Variants in SREBF1 observed in about 807,000 individuals in gnomAD.
SREBF1 encodes sterol regulatory element-binding protein 1.
A neutral mutation model predicts 100.1 loss-of-function variants in SREBF1; 45 were observed. The ratio of observed to expected loss-of-function variants is 0.45; its 90% CI spans 0.35 to 0.58. SREBF1 has a LOEUF of 0.58. SREBF1 is among the 20% of genes least tolerant of loss of function. SREBF1 has a pLI of 0.00. For missense variants in SREBF1, 1,324 were observed against 1,539.4 expected, an observed-to-expected ratio of 0.86 and a Z score of 2.34; for synonymous variants, 657 against 681.8, an observed-to-expected ratio of 0.96 and a Z score of 0.57.
Position 17,813,668 on chromosome 17 carries a change from G to A in SREBF1, c.3003C>T (p.Ser1001=). Residue 1001 remains serine (S), a synonymous_variant, in exon 17 of 19, where the codon AGC becomes AGT. Transcript: ENST00000261646. ...CAAGGGCGGAAGCCTGGGGCCTGCTGCTGGTGCCCTGGGCTGCTGGGGCCG... is the reference window on the plus strand; with the variant it reads ...CAAGGGCGGAAGCCTGGGGCCTGCTACTGGTGCCCTGGGCTGCTGGGGCCG... The part of the protein sequence containing the change: ...PAPAPAAQGT[S]SRPQASALEL... The A allele has an allele frequency of 6.4e-7, 1 of 1,552,922 alleles. No homozygotes were observed. The highest frequency in any genetic ancestry group is 1.2e-5 in the South Asian group (1 of 85,494).
rs763134830 is a variant in SREBF1 at position 17,815,353 on chromosome 17, G to A, written c.2384-24C>T. 5.6e-6 allele frequency: 9 copies of A among 1,596,978 alleles called. No homozygotes were observed. In the South Asian group the frequency reaches 9.9e-5, roughly 18 times the overall value. On this transcript the variant is annotated intron_variant, in intron 12 of 18. Transcript: ENST00000261646. The stretch of plus-strand genomic sequence containing the variant: ...CACTGTGGAGAGGAGGAGGTGAGTG[G>A]GGTGGGGAGCAGGGCCCCACCCTCC...
chr17:17,817,926 G>A lies in SREBF1; in HGVS notation c.1184-10C>T, dbSNP rs1340509890. 1.4e-5 allele frequency: 22 copies of A among 1,599,460 alleles called. No individual in the cohort carries two copies. The highest frequency in any genetic ancestry group is 1.2e-4 in the South Asian group (11 of 91,068). On this transcript the variant is annotated splice_polypyrimidine_tract_variant and intron_variant, in intron 6 of 18. Transcript: ENST00000261646. This position sits in a 1 kb window ranked among gnomAD's most constrained non-coding sequence, Gnocchi z 6.6. Reference sequence around the variant, plus strand: ...AGATCCTTCAGAGATTCTGTGGGCCGAAAGGAACAGAGCCAGGAGTAAAGG... The same window carrying A: ...AGATCCTTCAGAGATTCTGTGGGCCAAAAGGAACAGAGCCAGGAGTAAAGG...
intron 1 of SREBF1, among the ~76,000 whole-genome samples, chr17:17,828,169 C>T (rs574317391): frequency 6.6e-6 from 1 of 152,374 alleles, no homozygotes; most frequent in Admixed American, 6.5e-5. Context: ...TAACTGGTGT[C>T]TCCCTGGGCC....
chr17:17,816,466 G>T lies in SREBF1; in HGVS notation c.2038C>A (p.His680Asn), dbSNP rs774798173. ...CCACGCTCAGTCCTACCCATGGTGTGCAGCTGGTGCAGCTTATGGTAGACC... is the reference window on the plus strand; with the variant it reads ...CCACGCTCAGTCCTACCCATGGTGTTCAGCTGGTGCAGCTTATGGTAGACC... ...ALVYHKLHQL[H>N]TMGKHTGGHL... The change falls in exon 10 of 19, where the codon CAC becomes AAC. Residue 680 changes from histidine (H) to asparagine (N), a missense_variant. Transcript: ENST00000261646. 1 of 1,605,782 alleles carries T rather than the reference G, an allele frequency of 6.2e-7. No individual in the cohort carries two copies. The highest frequency in any genetic ancestry group is 1.1e-5 in the South Asian group (1 of 89,806).
chr17:17,835,032 C>T (rs748446136), intron 1 of SREBF1, among the ~76,000 whole-genome samples: 1 of 152,102 alleles, frequency 6.6e-6, no homozygotes, highest in African/African-American at 2.4e-5. Context: ...TGGCCCAGAA[C>T]GGGTTCTGTT....
At chr17:17,821,337 T>C (rs1006031819) in intron 1 of SREBF1, among the ~76,000 whole-genome samples, 1 of 152,068 alleles carries the variant, frequency 6.6e-6, no homozygotes, top group African/African-American at 2.4e-5. Context: ...CTGGCTCCAC[T>C]TGGGGCCTGT....
rs116660665 is a variant in SREBF1 at position 17,816,293 on chromosome 17, C to T, written c.2128G>A (p.Val710Met). 59 of 1,536,716 alleles carry T rather than the reference C, an allele frequency of 3.8e-5. No individual in the cohort carries two copies. The East Asian group carries it at 5.5e-4, about 14-fold the overall frequency. ...LNLAECAGDA[V>M]SVATLAEIYV... ...ATCTCGGCCAGCGTCGCCACAGACACGGCATCCCCTGCACACTCTGCCAGG... is the reference window on the plus strand; with the variant it reads ...ATCTCGGCCAGCGTCGCCACAGACATGGCATCCCCTGCACACTCTGCCAGG... Residue 710 changes from valine (V) to methionine (M), a missense_variant, in exon 11 of 19, where the codon GTG (valine) becomes ATG (methionine). Transcript: ENST00000261646.
intron 1 of SREBF1, among the ~76,000 whole-genome samples, chr17:17,830,678 C>T (rs180926312): frequency 7.4e-4 from 113 of 152,256 alleles, no homozygotes; most frequent in African/African-American, 2.7e-3. Context: ...CAAATTCCCC[C>T]TAGGGGGATG....
Position 17,817,986 on chromosome 17 carries a change from T to A in SREBF1, c.1184-70A>T. The A allele has an allele frequency of 1.4e-6, 2 of 1,478,644 alleles. No individual in the cohort carries two copies. The highest frequency in any genetic ancestry group is 1.9e-6 in the Non-Finnish European group (2 of 1,070,382). 91.6% of individuals were successfully genotyped at this position (1,478,644 alleles called of 1,614,324 possible). ...TGACCCCAAATCAGAGCCTAGGCCC[T>A]TGGAGGCCTAGGGACTACTGTAGCT... is the stretch of plus-strand genomic sequence containing the variant. On this transcript the variant is annotated intron_variant, in intron 6 of 18. Transcript: ENST00000261646. This position sits in a 1 kb window ranked among gnomAD's most constrained non-coding sequence, Gnocchi z 6.6.
chr17:17,835,178 C>T (rs911602196), intron 1 of SREBF1, among the ~76,000 whole-genome samples: 3 of 152,146 alleles, frequency 2.0e-5, no homozygotes, highest in Non-Finnish European at 2.9e-5. Context: ...CCCCAAAGCG[C>T]ATGTCCTCCT....
chr17:17,812,118 C>CAATCT lies in SREBF1; in HGVS notation c.*499_*503dup, dbSNP rs2032931804. ...TTTTAATTCTCTGTACAAAACTTCT[C>CAATCT]AATCTATGAAAATAAAGTTTGCAAA... On this transcript the variant is annotated 3_prime_UTR_variant, in exon 19 of 19. Coordinates refer to ENST00000261646, the MANE Select transcript of SREBF1 (RefSeq NM_004176.5). 7.1e-6 allele frequency: 3 copies of CAATCT among 424,266 alleles called. No homozygotes were observed. The highest frequency in any genetic ancestry group is 3.4e-5 in the South Asian group (2 of 58,170). The allele number at this position is 424,266 out of a possible 1,614,324, so 26.3% of individuals were successfully genotyped here.
At chr17:17,820,821 C>T (rs2034043730) in intron 1 of SREBF1, 5 of 468,140 alleles carry the variant, frequency 1.1e-5, no homozygotes, top group Admixed American at 3.4e-5. Flanking sequence ...TGGGGCTGAG[C>T]CCAGGGTCGG....
In SREBF1 at chr17:17,836,738, G is replaced by A. The variant is rs766652407; in HGVS notation, c.80C>T (p.Thr27Ile). 5.1e-6 allele frequency: 8 copies of A among 1,571,670 alleles called. No individual in the cohort carries two copies. In the East Asian group the frequency reaches 1.8e-4, roughly 36 times the overall value. ...CCGCCCTGACGCACCTTCGATGTCGGTCAGCAGCGCCGCGTCCAGATCGCA... is the reference window on the plus strand; with the variant it reads ...CCGCCCTGACGCACCTTCGATGTCGATCAGCAGCGCCGCGTCCAGATCGCA... ...EPCDLDAALL[T>I]DIEDMLQLIN... The change falls in exon 1 of 19, where the codon ACC becomes ATC. Residue 27 changes from threonine to isoleucine, a missense_variant. Coordinates refer to ENST00000261646, the MANE Select transcript of SREBF1 (RefSeq NM_004176.5).
In SREBF1 at chr17:17,811,999, C is replaced by T. The variant is rs2032915056; in HGVS notation, c.*623G>A. 2.3e-6 allele frequency: 1 copy of T among 440,500 alleles called. No individual in the cohort carries two copies. The highest frequency in any genetic ancestry group is 2.6e-5 in the Admixed American group (1 of 37,784). 27.3% of individuals were successfully genotyped at this position (440,500 alleles called of 1,614,324 possible). ...TTGTGGCCGGAGGGGGAGGGGAAGC[C>T]TTTCCCTAGGTGCTGGGGGAGGGCC... is the stretch of plus-strand genomic sequence containing the variant. On this transcript the variant is annotated 3_prime_UTR_variant, in exon 19 of 19. Transcript: ENST00000261646.
chr17:17,820,175 T>C lies in SREBF1; in HGVS notation c.438A>G (p.Pro146=), dbSNP rs757230938. 2.5e-6 allele frequency: 4 copies of C among 1,613,218 alleles called. No individual in the cohort carries two copies. In the South Asian group the frequency reaches 4.4e-5, roughly 18 times the overall value. Residue 146 remains proline (P), a synonymous_variant, in exon 2 of 19, where the codon CCA becomes CCG. Transcript: ENST00000261646. ...GTGGGGCTGGGGCTGGGAAGCTCTG[T>C]GGCAGGAGGGCCCCTGGCAGGGGCT... ...TPQPLPGALL[P]QSFPAPAPPQ... is the part of the protein sequence containing the mutation.
Position 17,812,231 on chromosome 17 carries a change from A to G in SREBF1, c.*391T>C. 2.5e-6 allele frequency: 1 copy of G among 401,826 alleles called. No individual in the cohort carries two copies. The highest frequency in any genetic ancestry group is 4.6e-6 in the Non-Finnish European group (1 of 219,318). The allele number at this position is 401,826 out of a possible 1,614,324, so 24.9% of individuals were successfully genotyped here. On this transcript the variant is annotated 3_prime_UTR_variant, in exon 19 of 19. Transcript: ENST00000261646. ...CGTCTCTCTCCCACGACGGAGAGAG[A>G]GGCCTCTGGGGCAGAGCCCTGCTTG...
In SREBF1 at chr17:17,811,695, G is replaced by A; in HGVS notation, c.*927C>T. ...GGCCGGGATGGGGGAGGTGAGACGT[G>A]CCAGACTTCTTGCAGGGAGACCCAA... On this transcript the variant is annotated 3_prime_UTR_variant, in exon 19 of 19. Transcript: ENST00000261646. 2.2e-6 allele frequency: 1 copy of A among 454,730 alleles called. No individual in the cohort carries two copies. The highest frequency in any genetic ancestry group is 4.4e-6 in the Non-Finnish European group (1 of 226,216). 28.2% of individuals were successfully genotyped at this position (454,730 alleles called of 1,614,324 possible).
In SREBF1 at chr17:17,812,854, G is replaced by A; in HGVS notation, c.3215-3C>T. ...CGGCTCCAGCTCCGCCACCGCGCCT[G>A]CGCACACGAGGATGTGTCAGGGATG... On this transcript the variant is annotated splice_region_variant and splice_polypyrimidine_tract_variant and intron_variant, in intron 18 of 18. Coordinates refer to ENST00000261646, the MANE Select transcript of SREBF1 (RefSeq NM_004176.5). 1 of 1,473,822 alleles carries A rather than the reference G, an allele frequency of 6.8e-7. No individual in the cohort carries two copies. Among genetic ancestry groups the A allele is most frequent in the Non-Finnish European group, 8.9e-7 (1 of 1,121,342 alleles). 91.3% of individuals were successfully genotyped at this position (1,473,822 alleles called of 1,614,324 possible). A position where few individuals can be genotyped will look rare whatever the true frequency, so the allele number is the denominator to read the frequency against.
intron 1 of SREBF1, chr17:17,820,979 A>G (rs372025145): frequency 9.1e-6 from 2 of 219,100 alleles, no homozygotes; most frequent in East Asian, 2.4e-4. Flanking sequence ...GAGTGCCCAC[A>G]CTATGCCAGG....
Sources: gnomAD v4.1 joint callset for allele counts (sites outside exome capture counted in the v4.1 genomes callset) on GRCh38, gnomAD v4.1.1 for gene constraint, Gnocchi (gnomAD v3.1) non-coding constraint, MANE v1.5 for transcripts, NCBI Gene and HGNC (gene_info 2026-07-23, HGNC 2026-07-21) for gene names.